Variants in RIMS2 observed in about 807,000 individuals in gnomAD.
RIMS2 encodes regulating synaptic membrane exocytosis 2.
Under a neutral mutation model 174.4 loss-of-function variants are expected in RIMS2, and 59 were observed. The observed-to-expected ratio is 0.34, with a 90% CI of 0.27 to 0.42. The LOEUF is 0.42. Among genes scored for constraint, RIMS2 ranks in the 10% least tolerant of loss-of-function variants. The pLI is 1.00. For missense variants in RIMS2, 1,620 were observed against 1,666.3 expected, an observed-to-expected ratio of 0.97 and a Z score of 0.48; for synonymous variants, 606 against 572.5, an observed-to-expected ratio of 1.06 and a Z score of -0.84.
chr8:103,896,321 T>G (rs1378374780), intron 4 of RIMS2, among the ~76,000 whole-genome samples: 3 of 151,704 alleles, frequency 2.0e-5, no homozygotes, highest in Admixed American at 2.0e-4. Context: ...CCAGCCATCC[T>G]CACGCTGATA....
At chr8:103,761,073 C>G (rs1193340850) in intron 2 of RIMS2, among the ~76,000 whole-genome samples, 1 of 152,172 alleles carries the variant, frequency 6.6e-6, no homozygotes, top group Non-Finnish European at 1.5e-5. Context: ...TGCTAACAAC[C>G]AGCTCTCTTT....
chr8:103,651,144 T>C (rs2096444459), intron 1 of RIMS2, among the ~76,000 whole-genome samples: 1 of 152,232 alleles, frequency 6.6e-6, no homozygotes, highest in Non-Finnish European at 1.5e-5. Context: ...ATCCATGGGT[T>C]GCAAGGATCT....
At chr8:104,124,404 G>A (rs78746207) in intron 19 of RIMS2, among the ~76,000 whole-genome samples, 1 of 152,084 alleles carries the variant, frequency 6.6e-6, no homozygotes, top group Non-Finnish European at 1.5e-5. Flanking sequence ...ATATCACTTG[G>A]TTAGATGGTG....
At chr8:104,140,936 T>A (rs1210854628) in intron 19 of RIMS2, among the ~76,000 whole-genome samples, 6 of 152,254 alleles carry the variant, frequency 3.9e-5, no homozygotes, top group Admixed American at 3.3e-4. Flanking sequence ...ATACAGTTTT[T>A]GTAAGATACA....
chr8:103,761,759 T>C (rs1280582906), intron 2 of RIMS2, among the ~76,000 whole-genome samples: 1 of 152,234 alleles, frequency 6.6e-6, no homozygotes. Context: ...TTATACTCTT[T>C]TACCTTATTT....
intron 3 of RIMS2, among the ~76,000 whole-genome samples, chr8:103,791,520 C>G (rs1051457271): frequency 3.9e-5 from 6 of 152,052 alleles, no homozygotes; most frequent in Non-Finnish European, 8.8e-5. Flanking sequence ...AACTAACGAG[C>G]AAAATAACCA....
intron 1 of RIMS2, among the ~76,000 whole-genome samples, chr8:103,533,609 C>T (rs751503641): frequency 7.3e-6 from 1 of 137,770 alleles, no homozygotes; most frequent in Non-Finnish European, 1.5e-5. Flanking sequence ...TTGCAGTGAG[C>T]TGAGATCATG....
chr8:103,814,787 G>A (rs1388464172), intron 3 of RIMS2, among the ~76,000 whole-genome samples: 2 of 152,128 alleles, frequency 1.3e-5, no homozygotes, highest in Non-Finnish European at 2.9e-5. Flanking sequence ...GCTGAAGTGA[G>A]AGGATCAGTT....
chr8:103,798,956 A>G (rs2098581347), intron 3 of RIMS2, among the ~76,000 whole-genome samples: 1 of 150,928 alleles, frequency 6.6e-6, no homozygotes, highest in Non-Finnish European at 1.5e-5. Context: ...GATGAGATAG[A>G]AGGAGGAGAG....
intron 1 of RIMS2, among the ~76,000 whole-genome samples, chr8:103,595,409 GT>G (rs1180124867): frequency 1.3e-5 from 2 of 151,804 alleles, no homozygotes; most frequent in Non-Finnish European, 2.9e-5. Context: ...TCACCCTCAA[GT>G]TTTTCATTCA....
chr8:104,156,525 A>G (rs115232504), intron 19 of RIMS2, among the ~76,000 whole-genome samples: 2,893 of 152,292 alleles, frequency 0.019, 90 homozygotes, highest in African/African-American at 0.066. Context: ...TTTACTTCAA[A>G]TATGTTTCCT....
At chr8:104,071,572 C>G (rs1357704100) in intron 19 of RIMS2, among the ~76,000 whole-genome samples, 1 of 152,118 alleles carries the variant, frequency 6.6e-6, no homozygotes, top group African/African-American at 2.4e-5. Context: ...GTAGCTGGGA[C>G]TACAGGCACG....
intron 1 of RIMS2, chr8:103,568,766 T>C: frequency 1.8e-6 from 2 of 1,104,416 alleles, no homozygotes; most frequent in Non-Finnish European, 1.4e-6. Context: ...GTAAGGAATC[T>C]ATCAAAACAT....
At chr8:104,079,873 T>A (rs2097378411) in intron 19 of RIMS2, among the ~76,000 whole-genome samples, 1 of 151,704 alleles carries the variant, frequency 6.6e-6, no homozygotes, top group Non-Finnish European at 1.5e-5. Context: ...GGGATTAATT[T>A]TAGTGAATGA....
intron 2 of RIMS2, among the ~76,000 whole-genome samples, chr8:103,700,174 TATA>T (rs1192535198): frequency 6.6e-6 from 1 of 152,188 alleles, no homozygotes; most frequent in Non-Finnish European, 1.5e-5. Context: ...TTTTGAAATA[TATA>T]ATAATATGTG....
At chr8:104,099,793 G>A (rs1008452094) in intron 19 of RIMS2, among the ~76,000 whole-genome samples, 3 of 151,186 alleles carry the variant, frequency 2.0e-5, no homozygotes, top group African/African-American at 7.3e-5. Context: ...CCATATGATC[G>A]GCAGAAAACA....
At chr8:103,512,708 T>TC (rs1827133496) in intron 1 of RIMS2, among the ~76,000 whole-genome samples, 2 of 152,136 alleles carry the variant, frequency 1.3e-5, no homozygotes, top group African/African-American at 4.8e-5. Context: ...AATATAACTA[T>TC]CACAGGATTG....
intron 9 of RIMS2, among the ~76,000 whole-genome samples, chr8:103,919,333 AGT>A (rs1352585213): frequency 1.3e-5 from 2 of 152,214 alleles, no homozygotes; most frequent in African/African-American, 4.8e-5. Flanking sequence ...CAACGAGGCC[AGT>A]GTAGCTGAAT....
At chr8:104,148,243 A>T (rs963615533) in intron 19 of RIMS2, among the ~76,000 whole-genome samples, 2 of 150,528 alleles carry the variant, frequency 1.3e-5, no homozygotes, top group African/African-American at 4.9e-5. Flanking sequence ...TAAAATAGAG[A>T]AGAATGTTTT....
Sources: gnomAD v4.1 joint callset for allele counts (sites outside exome capture counted in the v4.1 genomes callset) on GRCh38, gnomAD v4.1.1 for gene constraint, MANE v1.5 for transcripts, NCBI Gene and HGNC (gene_info 2026-07-23, HGNC 2026-07-21) for gene names.